The following CIB2 variants were observed in gnomAD, a reference collection of about 807,000 sequenced individuals.
The protein encoded by CIB2 is calcium and integrin binding family member 2.
In CIB2, 19 loss-of-function variants were observed where a neutral mutation model predicts 23.1. The ratio of observed to expected loss-of-function variants is 0.82; its 90% CI spans 0.57 to 1.21. The LOEUF is 1.21. Among genes scored for constraint, CIB2 ranks in the 50% most tolerant of loss-of-function variants. CIB2 has a pLI of 0.00. For missense variants in CIB2, 220 were observed against 241.5 expected (o/e 0.91, Z 0.59); for synonymous variants, 94 against 91.7 (o/e 1.03, Z -0.14).
At position 78,109,633 on chromosome 15, in the gene CIB2, G is replaced by A. The variant is rs112510672; in HGVS notation, c.199-251C>T. 1,081 of 523,880 alleles carry A rather than the reference G, an allele frequency of 2.1e-3. 7 individuals carry two copies. Among genetic ancestry groups the A allele is most frequent in the African/African-American group, 0.018 (935 of 52,236 alleles). 32.5% of individuals were successfully genotyped at this position (523,880 alleles called of 1,614,324 possible). On this transcript the variant is annotated intron_variant, in intron 3 of 5. Coordinates refer to ENST00000258930, the MANE Select transcript of CIB2 (RefSeq NM_006383.4). Reference sequence around the variant, plus strand: ...TAAGAGCTCAGGAAGCATTCTACTGGGTCATGTCACATCATTAAGATGGGC... The same window carrying A: ...TAAGAGCTCAGGAAGCATTCTACTGAGTCATGTCACATCATTAAGATGGGC...
Position 78,131,317 on chromosome 15 carries a change from G to A in CIB2, c.-102C>T. 7 of 915,116 alleles carry A rather than the reference G, an allele frequency of 7.6e-6. No individual in the cohort carries two copies. The highest frequency in any genetic ancestry group is 9.6e-6 in the Non-Finnish European group (7 of 730,510). 56.7% of individuals were successfully genotyped at this position (915,116 alleles called of 1,614,324 possible). A position where few individuals can be genotyped will look rare whatever the true frequency, so the allele number is the denominator to read the frequency against. On this transcript the variant is annotated 5_prime_UTR_variant, in exon 1 of 6. Transcript: ENST00000258930. This position sits in a 1 kb window ranked among gnomAD's most constrained non-coding sequence, Gnocchi z 5.8. ...CGTGCCCGCGGCCCTCGGCAGCCCC[G>A]CGGCTGGCAGCGGCCCACGGTGGCC... is the stretch of plus-strand genomic sequence containing the variant.
intron 2 of CIB2, among the ~76,000 whole-genome samples, chr15:78,118,575 C>A (rs2074273153): frequency 6.9e-6 from 1 of 144,072 alleles, no homozygotes; most frequent in African/African-American, 2.6e-5. Context: ...GGTGACAGAG[C>A]CAGACTCCGT....
At chr15:78,128,713 GAGAA>G (rs1428774026) in intron 1 of CIB2, among the ~76,000 whole-genome samples, 3 of 150,168 alleles carry the variant, frequency 2.0e-5, no homozygotes, top group African/African-American at 2.4e-5. Context: ...AAAAAAGGAA[GAGAA>G]AGAAAGAGAT....
At chr15:78,105,368 C>A (rs765000456) in intron 5 of CIB2, 36 bp from the exon 6 acceptor site, 25 of 1,613,440 alleles carry the variant, frequency 1.5e-5, no homozygotes, top group Non-Finnish European at 2.1e-5. Context: ...GGGTGAGAGG[C>A]CCTGGGTCGG....
In CIB2 at chr15:78,131,037, G is replaced by T; in HGVS notation, c.51+128C>A. On this transcript the variant is annotated intron_variant, in intron 1 of 5. Coordinates refer to ENST00000258930, the MANE Select transcript of CIB2 (RefSeq NM_006383.4). The surrounding 1 kb of genome is among the most constrained non-coding windows in gnomAD (Gnocchi z 5.8). ...TCACCGGCCCAAGGTCACGCGTCGA[G>T]CTGAAGGCAGAGGCAGGGTTTGAAC... The T allele has an allele frequency of 1.4e-6, 1 of 698,562 alleles. No individual in the cohort carries two copies. The highest frequency in any genetic ancestry group is 2.2e-6 in the Non-Finnish European group (1 of 455,190). The allele number at this position is 698,562 out of a possible 1,614,324, so 43.3% of individuals were successfully genotyped here.
chr15:78,105,479 C>T (rs1296002940), intron 5 of CIB2, 147 bp from the exon 6 acceptor site: 1 of 1,528,060 alleles, frequency 6.5e-7, no homozygotes, highest in Non-Finnish European at 8.8e-7. Context: ...GTAATCAACA[C>T]TGGGGGAAGA....
intron 1 of CIB2, among the ~76,000 whole-genome samples, chr15:78,123,963 A>T (rs991552723): frequency 1.3e-5 from 2 of 152,104 alleles, no homozygotes; most frequent in Non-Finnish European, 2.9e-5. Flanking sequence ...AGGCCTAAGG[A>T]GCTTAGTGCA....
chr15:78,112,379 C>T (rs1470472015), intron 2 of CIB2, among the ~76,000 whole-genome samples: 1 of 151,892 alleles, frequency 6.6e-6, no homozygotes, highest in Non-Finnish European at 1.5e-5. Flanking sequence ...CCAGCCTAGG[C>T]AACACAGCAA....
intron 2 of CIB2, among the ~76,000 whole-genome samples, chr15:78,115,065 T>C (rs538114854): frequency 6.6e-6 from 1 of 152,262 alleles, no homozygotes; most frequent in South Asian, 2.1e-4. Context: ...AAAAAACATT[T>C]TGACCAATTT....
intron 1 of CIB2, among the ~76,000 whole-genome samples, chr15:78,125,306 T>C (rs1458913887): frequency 1.3e-5 from 2 of 152,060 alleles, no homozygotes; most frequent in East Asian, 3.9e-4. Context: ...GTTTCCATGG[T>C]CTAAGGTGCC....
At chr15:78,124,837 G>A (rs1233789027) in intron 1 of CIB2, among the ~76,000 whole-genome samples, 3 of 152,182 alleles carry the variant, frequency 2.0e-5, no homozygotes, top group African/African-American at 7.2e-5. Flanking sequence ...AATGAGACCT[G>A]AAGCCGCTGG....
In CIB2 at chr15:78,105,301, G is replaced by A. The variant is rs781026594; in HGVS notation, c.*10C>T. On this transcript the variant is annotated 3_prime_UTR_variant, in exon 6 of 6. Transcript: ENST00000258930. ...TGGACTTCTAGGCCCCTACAGCCTC[G>A]GCAGTGTCCTCAGATCCGGATGTGG... The A allele has an allele frequency of 7.4e-6, 12 of 1,613,958 alleles. No individual in the cohort carries two copies. Among genetic ancestry groups the A allele is most frequent in the East Asian group, 2.2e-5 (1 of 44,872 alleles).
Position 78,105,060 on chromosome 15 carries a change from G to A in CIB2, c.*251C>T, listed in dbSNP as rs1266726381. The A allele has an allele frequency of 7.6e-6, 4 of 524,990 alleles. No homozygotes were observed. Among genetic ancestry groups the A allele is most frequent in the East Asian group, 3.3e-5 (1 of 30,258 alleles). The allele number at this position is 524,990 out of a possible 1,614,324, so 32.5% of individuals were successfully genotyped here. A position where few individuals can be genotyped will look rare whatever the true frequency, so the allele number is the denominator to read the frequency against. ...GTAGGAAAGGACTGGGGCATGGGGC[G>A]GGGTGCGGAGGGCCTGGAGAGAGGC... On this transcript the variant is annotated 3_prime_UTR_variant, in exon 6 of 6. Transcript: ENST00000258930.
chr15:78,125,655 G>T (rs2074371965), intron 1 of CIB2, among the ~76,000 whole-genome samples: 1 of 152,188 alleles, frequency 6.6e-6, no homozygotes, highest in African/African-American at 2.4e-5. Flanking sequence ...CTCCACTCCA[G>T]ATCTCTTGAA....
intron 1 of CIB2, among the ~76,000 whole-genome samples, chr15:78,130,481 G>A (rs993608814): frequency 2.0e-5 from 3 of 152,172 alleles, no homozygotes; most frequent in African/African-American, 7.2e-5. Flanking sequence ...GTTTTTACCT[G>A]GGTGGGACGG....
intron 4 of CIB2, among the ~76,000 whole-genome samples, chr15:78,107,305 G>A (rs2074086489): frequency 6.6e-6 from 1 of 152,150 alleles, no homozygotes; most frequent in Admixed American, 6.5e-5. Flanking sequence ...GGTCATTGTT[G>A]GACCCTAGAG....
At chr15:78,128,738 T>G (rs1180085803) in intron 1 of CIB2, among the ~76,000 whole-genome samples, 111 of 101,008 alleles carry the variant, frequency 1.1e-3, no homozygotes, top group South Asian at 1.9e-3. Context: ...GAAGGAAGAG[T>G]GAGAGAACTA....
At position 78,105,792 on chromosome 15, in the gene CIB2, C is replaced by T. The variant is rs761344527; in HGVS notation, c.489G>A (p.Lys163=). 1 of 1,614,234 alleles carries T rather than the reference C, an allele frequency of 6.2e-7. No individual in the cohort carries two copies. Among genetic ancestry groups the T allele is most frequent in the South Asian group, 1.1e-5 (1 of 91,082 alleles). ...IEEADLDGDG[K]LGFADFEDMI... ...TGTCCTCGAAGTCAGCAAAGCCCAG[C>T]TTGCCGTCACCGTCCAAGTCAGCCT... Residue 163 remains lysine (K), a synonymous_variant, in exon 5 of 6, where the codon AAG becomes AAA. Transcript: ENST00000258930.
intron 2 of CIB2, among the ~76,000 whole-genome samples, chr15:78,117,509 C>T (rs770489454): frequency 6.6e-6 from 1 of 152,132 alleles, no homozygotes; most frequent in Non-Finnish European, 1.5e-5. Flanking sequence ...AAGATTAATT[C>T]CTCTGAAAGT....
Sources: allele counts gnomAD v4.1 joint callset (sites outside exome capture counted in the v4.1 genomes callset), GRCh38; gene constraint gnomAD v4.1.1; non-coding constraint Gnocchi (gnomAD v3.1); transcripts MANE v1.5; gene names NCBI Gene and HGNC (gene_info 2026-07-23, HGNC 2026-07-21).